HIVEP3: variants seen among roughly 807,000 people sequenced by gnomAD.
The protein encoded by HIVEP3 is transcription factor HIVEP3.
In HIVEP3, 49 loss-of-function variants were observed where a neutral mutation model predicts 152.8. The observed-to-expected ratio is 0.32, with a 90% confidence interval of 0.26 to 0.41. The LOEUF is 0.41. Ranked by LOEUF, HIVEP3 falls within the 10% of genes least tolerant of loss-of-function variation. The pLI is 1.00. For missense variants in HIVEP3, 2,790 were observed against 3,103.3 expected (o/e 0.90, Z 2.40); for synonymous variants, 1,269 against 1,289.0 (o/e 0.98, Z 0.33).
chr1:41,512,346 G>A (rs927140112), intron 8 of HIVEP3, among the ~76,000 whole-genome samples: 1 of 152,054 alleles, frequency 6.6e-6, no homozygotes, highest in East Asian at 1.9e-4. Flanking sequence ...TCTCTCTCTT[G>A]CTTCCACTCT....
chr1:41,711,992 G>A (rs1464377158), intron 1 of HIVEP3, among the ~76,000 whole-genome samples: 1 of 152,234 alleles, frequency 6.6e-6, no homozygotes, highest in Non-Finnish European at 1.5e-5. Flanking sequence ...ACGCCAGCCA[G>A]CAGGTCGCTA....
chr1:41,896,570 T>C (rs1038284895), intron 1 of HIVEP3, among the ~76,000 whole-genome samples: 4 of 147,368 alleles, frequency 2.7e-5, no homozygotes, highest in African/African-American at 1.1e-4. Flanking sequence ...CTTTTTACTT[T>C]TCTTTTCTTT....
intron 2 of HIVEP3, among the ~76,000 whole-genome samples, chr1:41,670,491 G>A (rs1296370226): frequency 1.3e-5 from 2 of 152,326 alleles, no homozygotes; most frequent in East Asian, 3.9e-4. Context: ...TAGGGACTTA[G>A]AGTGCATCAG....
chr1:41,941,359 G>A (rs1170563413), intron 1 of HIVEP3, among the ~76,000 whole-genome samples: 3 of 152,190 alleles, frequency 2.0e-5, no homozygotes, highest in African/African-American at 7.2e-5. Flanking sequence ...GCCGATCCTA[G>A]AGAAAGGGAA....
chr1:41,593,332 A>T (rs551801162), intron 3 of HIVEP3, among the ~76,000 whole-genome samples: 1 of 152,060 alleles, frequency 6.6e-6, no homozygotes, highest in Non-Finnish European at 1.5e-5. Flanking sequence ...TCTTTTTTTA[A>T]ATCTATGTAT....
At chr1:41,827,621 T>C (rs1642841112) in intron 1 of HIVEP3, among the ~76,000 whole-genome samples, 1 of 152,156 alleles carries the variant, frequency 6.6e-6, no homozygotes, top group African/African-American at 2.4e-5. Context: ...TACTGCCCTT[T>C]ATTTGAGAAG....
intron 1 of HIVEP3, among the ~76,000 whole-genome samples, chr1:42,023,583 G>A (rs1645566257): frequency 6.6e-6 from 1 of 152,090 alleles, no homozygotes; most frequent in Non-Finnish European, 1.5e-5. Flanking sequence ...TCCACTTGGT[G>A]CTGTTCTCCT....
At chr1:41,571,146 C>T (rs1219287088) in intron 5 of HIVEP3, among the ~76,000 whole-genome samples, 2 of 152,104 alleles carry the variant, frequency 1.3e-5, no homozygotes, top group African/African-American at 2.4e-5. Flanking sequence ...ACCATCTGAA[C>T]TTATCATTCC....
chr1:42,001,548 G>A (rs1025763763), intron 1 of HIVEP3, among the ~76,000 whole-genome samples: 33 of 152,170 alleles, frequency 2.2e-4, no homozygotes, highest in African/African-American at 7.7e-4. Context: ...CTAGATTCAA[G>A]GATCAAGTAT....
intron 3 of HIVEP3, among the ~76,000 whole-genome samples, chr1:41,606,985 T>A (rs1050856590): frequency 2.0e-5 from 3 of 152,250 alleles, no homozygotes; most frequent in East Asian, 3.9e-4. Context: ...TGTTTCTTTT[T>A]TTTTTATTTT....
intron 1 of HIVEP3, among the ~76,000 whole-genome samples, chr1:41,754,406 T>G (rs1207512270): frequency 6.6e-6 from 1 of 152,144 alleles, no homozygotes; most frequent in East Asian, 1.9e-4. Flanking sequence ...AACAATAGTC[T>G]TTGCATGCTA....
chr1:41,855,842 C>T (rs1192587400), intron 1 of HIVEP3, among the ~76,000 whole-genome samples: 1 of 152,126 alleles, frequency 6.6e-6, no homozygotes, highest in Non-Finnish European at 1.5e-5. Flanking sequence ...TTGGTGATGG[C>T]CAGACAATAG....
intron 1 of HIVEP3, among the ~76,000 whole-genome samples, chr1:41,973,819 G>A (rs1645244070): frequency 6.6e-6 from 1 of 152,180 alleles, no homozygotes; most frequent in South Asian, 2.1e-4. Flanking sequence ...AGTGACAGGA[G>A]ACCCTGAGAA....
chr1:41,517,637 G>A (rs564454564), intron 7 of HIVEP3, among the ~76,000 whole-genome samples: 2 of 152,276 alleles, frequency 1.3e-5, no homozygotes, highest in African/African-American at 4.8e-5. Flanking sequence ...TGGTGCTGGC[G>A]AGATGGCTCC....
intron 1 of HIVEP3, among the ~76,000 whole-genome samples, chr1:41,703,591 G>C (rs1288485988): frequency 1.3e-5 from 2 of 152,162 alleles, no homozygotes; most frequent in Admixed American, 6.5e-5. Context: ...ACAATCCCTA[G>C]AACAGTACCT....
intron 2 of HIVEP3, among the ~76,000 whole-genome samples, chr1:41,690,950 T>G (rs544945681): frequency 6.6e-6 from 1 of 152,132 alleles, no homozygotes; most frequent in Non-Finnish European, 1.5e-5. Context: ...AAAGAAAGCA[T>G]GGATTTTGGA....
chr1:42,032,616 G>A (rs1645619394), intron 1 of HIVEP3, among the ~76,000 whole-genome samples: 1 of 151,996 alleles, frequency 6.6e-6, no homozygotes, highest in Non-Finnish European at 1.5e-5. Context: ...CTCCAATCAG[G>A]GGCTCTCCCA....
chr1:41,740,394 A>G (rs984818463), intron 1 of HIVEP3, among the ~76,000 whole-genome samples: 5 of 152,210 alleles, frequency 3.3e-5, no homozygotes, highest in African/African-American at 1.2e-4. Flanking sequence ...GCCTATACAC[A>G]GCTGCACCAT....
chr1:41,597,395 A>G (rs779532546), intron 3 of HIVEP3, among the ~76,000 whole-genome samples: 1 of 152,196 alleles, frequency 6.6e-6, no homozygotes. Context: ...GGGCATAATA[A>G]TTCAGAGGAA....
Sources: allele counts gnomAD v4.1 joint callset (sites outside exome capture counted in the v4.1 genomes callset), GRCh38; gene constraint gnomAD v4.1.1; transcripts MANE v1.5; gene names NCBI Gene and HGNC (gene_info 2026-07-23, HGNC 2026-07-21).